CTNNAL1: variants seen among roughly 807,000 people sequenced by gnomAD.
CTNNAL1 encodes alpha-catulin.
Under a neutral mutation model 93.6 loss-of-function variants are expected in CTNNAL1, and 69 were observed. The observed-to-expected ratio is 0.74, with a 90% CI of 0.61 to 0.90. The LOEUF (loss-of-function observed/expected upper bound fraction) is 0.90. CTNNAL1 is among the 40% of genes least tolerant of loss of function. The pLI is 0.00. For synonymous variants in CTNNAL1, 286 were observed against 305.4 expected, an observed-to-expected ratio of 0.94 and a Z score of 0.66; for missense variants, 836 against 862.0, an observed-to-expected ratio of 0.97 and a Z score of 0.38.
intron 8 of CTNNAL1, 31 bp from the exon 9 acceptor site, chr9:108,972,864 G>GGGGGGGCGCCCCCCCCC: frequency 3.5e-5 from 5 of 142,510 alleles, no homozygotes; most frequent in Non-Finnish European, 5.0e-5. Flanking sequence ...GGGGGGGTGG[G>GGGGGGGCGCCCCCCCCC]AGGGTGGAGA....
intron 5 of CTNNAL1, 80 bp downstream of exon 5, chr9:108,984,267 G>A (rs1198596462): frequency 5.3e-6 from 4 of 752,874 alleles, no homozygotes; most frequent in Middle Eastern, 2.6e-4. Context: ...TTTTTAAAAT[G>A]TAAATTATGT....
intron 6 of CTNNAL1, among the ~76,000 whole-genome samples, chr9:108,982,328 A>C (rs1831456449): frequency 6.6e-6 from 1 of 152,242 alleles, no homozygotes. Context: ...TAAAGCACTC[A>C]GAAAAGGGCT....
At chr9:109,013,183 C>T in intron 1 of CTNNAL1, 119 bp downstream of exon 1, 1 of 1,260,196 alleles carries the variant, frequency 7.9e-7, no homozygotes. Context: ...ACAAGAACGC[C>T]GCAGTGCCGG....
chr9:109,013,222 C>CCTCTG, intron 1 of CTNNAL1, 80 bp downstream of exon 1: 1 of 1,382,634 alleles, frequency 7.2e-7, no homozygotes, highest in Non-Finnish European at 9.4e-7. Context: ...GGCTGCCTCC[C>CCTCTG]GTCCGGTCGT....
At chr9:108,967,384 T>TCA (rs74384717) in intron 10 of CTNNAL1, among the ~76,000 whole-genome samples, 33,675 of 151,912 alleles carry the variant, frequency 0.22, 4,565 homozygotes, top group East Asian at 0.31. Context: ...ATGGGATTAT[T>TCA]CACACACACA....
chr9:109,009,543 T>C (rs1827146703), intron 1 of CTNNAL1, among the ~76,000 whole-genome samples: 1 of 152,054 alleles, frequency 6.6e-6, no homozygotes, highest in Admixed American at 6.5e-5. Flanking sequence ...TTCTATTCTG[T>C]ATCACAGGTC....
intron 15 of CTNNAL1, among the ~76,000 whole-genome samples, chr9:108,947,112 TTTC>T (rs1160867410): frequency 6.6e-5 from 9 of 136,066 alleles, no homozygotes; most frequent in Admixed American, 7.9e-5. Context: ...TAGAAATTTC[TTTC>T]TTTTTTTTTT....
chr9:108,945,845 G>A (rs1830389284), intron 15 of CTNNAL1, among the ~76,000 whole-genome samples: 1 of 152,214 alleles, frequency 6.6e-6, no homozygotes, highest in South Asian at 2.1e-4. Context: ...TGCAGATAGG[G>A]AGGGCCAAGT....
chr9:108,951,463 G>A (rs1344068840), intron 14 of CTNNAL1, among the ~76,000 whole-genome samples: 1 of 152,138 alleles, frequency 6.6e-6, no homozygotes, highest in Non-Finnish European at 1.5e-5. Context: ...AGTAGGACAG[G>A]AGCCAGAAAA....
chr9:108,979,394 C>T lies in CTNNAL1; in HGVS notation c.988G>A (p.Glu330Lys), dbSNP rs1831359037. 1 of 1,614,008 alleles carries T rather than the reference C, an allele frequency of 6.2e-7. No individual in the cohort carries two copies. Among genetic ancestry groups the T allele is most frequent in the Non-Finnish European group, 8.5e-7 (1 of 1,180,018 alleles). ...GTGTAGGCAGAATCAGTAAAGTCCT[C>T]CATACGCTCCAAGATGACTTCCAAT... is the stretch of plus-strand genomic sequence containing the variant. ...VTLEVILERMEDFTDSAYTSH... is the reference protein window; with the variant it reads ...VTLEVILERMKDFTDSAYTSH... Residue 330 changes from glutamate to lysine, a missense_variant, in exon 7 of 19, where the codon GAG (glutamate) becomes AAG (lysine). Glu to Lys is a moderately conservative substitution (Grantham distance 56, BLOSUM62 1). Transcript: ENST00000325551.
At chr9:108,954,088 G>A (rs886644616) in intron 12 of CTNNAL1, among the ~76,000 whole-genome samples, 4 of 152,076 alleles carry the variant, frequency 2.6e-5, no homozygotes, top group Admixed American at 2.6e-4. Flanking sequence ...TAATGATGAT[G>A]ATTATTAAAG....
intron 11 of CTNNAL1, among the ~76,000 whole-genome samples, chr9:108,963,076 A>C (rs968516567): frequency 2.0e-5 from 3 of 152,322 alleles, no homozygotes; most frequent in Admixed American, 2.0e-4. Flanking sequence ...AAAATTACTT[A>C]TATTTATAGA....
intron 1 of CTNNAL1, among the ~76,000 whole-genome samples, chr9:109,000,925 G>A (rs1403065207): frequency 1.3e-5 from 2 of 151,778 alleles, no homozygotes; most frequent in Non-Finnish European, 1.5e-5. Flanking sequence ...CACTTTGGGA[G>A]GCAGAGGCAG....
intron 2 of CTNNAL1, among the ~76,000 whole-genome samples, chr9:108,998,758 G>A (rs1260386834): frequency 6.6e-6 from 1 of 152,102 alleles, no homozygotes; most frequent in Non-Finnish European, 1.5e-5. Flanking sequence ...CCTATGTCAT[G>A]GAAAGTAGAC....
intron 1 of CTNNAL1, among the ~76,000 whole-genome samples, chr9:109,001,572 T>C (rs1021893798): frequency 2.6e-5 from 4 of 152,148 alleles, no homozygotes; most frequent in African/African-American, 9.7e-5. Context: ...CTCTGCAGGA[T>C]CAATCACAGT....
intron 8 of CTNNAL1, among the ~76,000 whole-genome samples, chr9:108,974,872 CG>C (rs1217977016): frequency 6.6e-6 from 1 of 151,876 alleles, no homozygotes; most frequent in African/African-American, 2.4e-5. Flanking sequence ...AGCCCTTGAC[CG>C]TCTTCAAGAA....
At position 108,978,077 on chromosome 9, in the gene CTNNAL1, A is replaced by AT. The variant is rs575485467; in HGVS notation, c.1102-1030dup. ...CGGGTAAATTTGCTAAATTTGTGAC[A>AT]TTTGCTAATTGCAAATTTGAGTATT... On this transcript the variant is annotated intron_variant, in intron 7 of 18. Transcript: ENST00000325551. Among the ~76,000 whole-genome samples, 10 of 152,370 alleles carry AT rather than the reference A, an allele frequency of 6.6e-5. No individual in the cohort carries two copies. In the East Asian group the frequency reaches 1.9e-3, roughly 29 times the overall value.
intron 4 of CTNNAL1, among the ~76,000 whole-genome samples, chr9:108,985,078 A>G (rs1587973566): frequency 6.6e-6 from 1 of 152,220 alleles, no homozygotes; most frequent in African/African-American, 2.4e-5. Flanking sequence ...AGAGCCCTCA[A>G]TAGAATGTGT....
chr9:108,983,434 C>G, intron 5 of CTNNAL1, 119 bp from the exon 6 acceptor site: 2 of 1,146,560 alleles, frequency 1.7e-6, no homozygotes. Context: ...TCCTGGGTCC[C>G]TGGCTCACTC....
Sources: allele counts gnomAD v4.1 joint callset (sites outside exome capture counted in the v4.1 genomes callset), GRCh38; gene constraint gnomAD v4.1.1; transcripts MANE v1.5; gene names NCBI Gene and HGNC (gene_info 2026-07-23, HGNC 2026-07-21).